SERPINE3: variants seen among roughly 807,000 people sequenced by gnomAD.
The protein encoded by SERPINE3 is serpin E3.
Under a neutral mutation model 41.7 loss-of-function variants are expected in SERPINE3, and 43 were observed. The ratio of observed to expected loss-of-function variants is 1.03; its 90% CI spans 0.81 to 1.33. The LOEUF (loss-of-function observed/expected upper bound fraction) is 1.33. SERPINE3 is among the 40% of genes most tolerant of loss of function. The pLI, the probability that SERPINE3 is intolerant of heterozygous loss-of-function variation, is 0.00. For synonymous variants in SERPINE3, 200 were observed against 192.2 expected, an observed-to-expected ratio of 1.04 and a Z score of -0.34; for missense variants, 440 against 491.7, an observed-to-expected ratio of 0.89 and a Z score of 0.99.
rs144113161 is a variant in SERPINE3 at position 51,362,403 on chromosome 13, A to G, written c.1171+510A>G. The G allele has an allele frequency of 2.3e-3, 369 of 159,254 alleles. 2 individuals are homozygous for G. Among genetic ancestry groups the G allele is most frequent in the Non-Finnish European group, 1.8e-3 (132 of 73,126 alleles). The allele number at this position is 159,254 out of a possible 1,614,324, so 9.9% of individuals were successfully genotyped here. A position where few individuals can be genotyped will look rare whatever the true frequency, so the allele number is the denominator to read the frequency against. ...CTAGTACTTTTAAGTCCTACTACAT[A>G]ACCTTATGGTAATCCAAAGATGGTG... On this transcript the variant is annotated intron_variant, in intron 9 of 9. Transcript: ENST00000681248.
At chr13:51,341,025 T>G in intron 2 of SERPINE3, 50 bp from the exon 3 acceptor site, 2 of 1,569,572 alleles carry the variant, frequency 1.3e-6, no homozygotes, top group Non-Finnish European at 1.7e-6. Flanking sequence ...ATGGCCCTCT[T>G]TCATCACCAG....
At chr13:51,360,586 C>T (rs1955557675) in intron 7 of SERPINE3, among the ~76,000 whole-genome samples, 1 of 152,038 alleles carries the variant, frequency 6.6e-6, no homozygotes, top group South Asian at 2.1e-4. Context: ...GTCCTATTTG[C>T]TAAACTTATA....
chr13:51,356,117 G>A (rs1192520301), intron 7 of SERPINE3, among the ~76,000 whole-genome samples: 1 of 152,162 alleles, frequency 6.6e-6, no homozygotes, highest in Non-Finnish European at 1.5e-5. Context: ...ACACAGGAGT[G>A]AGAATCTATT....
chr13:51,363,526 C>T (rs1020802239), intron 9 of SERPINE3: 4 of 151,830 alleles, frequency 2.6e-5, no homozygotes, highest in South Asian at 2.1e-4. Context: ...ATTTGAAAAC[C>T]TCAAGATTAA....
At chr13:51,362,059 A>G in intron 9 of SERPINE3, 166 bp downstream of exon 9, 1 of 1,574,826 alleles carries the variant, frequency 6.3e-7, no homozygotes, top group Non-Finnish European at 8.6e-7. Flanking sequence ...AAAGGGGACT[A>G]TTTCGTAAGT....
chr13:51,345,616 A>G (rs999964532), intron 4 of SERPINE3, among the ~76,000 whole-genome samples: 4 of 150,588 alleles, frequency 2.7e-5, no homozygotes, highest in Non-Finnish European at 4.4e-5. Flanking sequence ...AAAAAAAAAA[A>G]GCAGAATAGG....
Position 51,348,351 on chromosome 13 carries a change from G to A in SERPINE3, c.839G>A (p.Ser280Asn), listed in dbSNP as rs1955371879. Reference protein sequence around the residue: ...LSHIEPHLTASTIHLWTTSLR... With the variant: ...LSHIEPHLTANTIHLWTTSLR... ...CACATCGAGCCACACCTCACAGCCA[G>A]CACCATCCACCTCTGGACCACCAGC... The change falls in exon 6 of 10, where the codon AGC becomes AAC. Residue 280 changes from serine (S) to asparagine (N), a missense_variant. Transcript: ENST00000681248. The A allele has an allele frequency of 6.2e-7, 1 of 1,613,804 alleles. No homozygotes were observed. Among genetic ancestry groups the A allele is most frequent in the Admixed American group, 1.7e-5 (1 of 59,992 alleles).
chr13:51,357,783 G>A (rs1406605403), intron 7 of SERPINE3, among the ~76,000 whole-genome samples: 1 of 151,986 alleles, frequency 6.6e-6, no homozygotes, highest in East Asian at 1.9e-4. Flanking sequence ...ACTGGCTTTA[G>A]GATCAGCAGG....
chr13:51,355,204 T>C (rs915393216), intron 7 of SERPINE3, 61 bp downstream of exon 7: 19 of 646,074 alleles, frequency 2.9e-5, no homozygotes, highest in Middle Eastern at 2.7e-4. Context: ...TTATCATACT[T>C]TGATTAAGGG....
chr13:51,358,423 C>A (rs1955514291), intron 7 of SERPINE3, among the ~76,000 whole-genome samples: 1 of 152,128 alleles, frequency 6.6e-6, no homozygotes, highest in Non-Finnish European at 1.5e-5. Context: ...ACCAGCCATA[C>A]ACAAAGAATA....
chr13:51,358,630 C>T (rs971728987), intron 7 of SERPINE3, among the ~76,000 whole-genome samples: 1 of 152,050 alleles, frequency 6.6e-6, no homozygotes, highest in Non-Finnish European at 1.5e-5. Context: ...TTACTAAACA[C>T]ATTAATGTAC....
chr13:51,361,900 C>G lies in SERPINE3; in HGVS notation c.1171+7C>G. ...CTGAGAGAACCTAACACAGGTATTACAGTATTTTTTGACAGGATTCAGATA... is the reference window on the plus strand; with the variant it reads ...CTGAGAGAACCTAACACAGGTATTAGAGTATTTTTTGACAGGATTCAGATA... On this transcript the variant is annotated splice_region_variant and intron_variant, in intron 9 of 9. Transcript: ENST00000681248. 1 of 1,611,522 alleles carries G rather than the reference C, an allele frequency of 6.2e-7. No homozygotes were observed.
In SERPINE3 at chr13:51,348,247, G is replaced by C; in HGVS notation, c.735G>C (p.Gly245=). 1 of 1,602,924 alleles carries C rather than the reference G, an allele frequency of 6.2e-7. No individual in the cohort carries two copies. The highest frequency in any genetic ancestry group is 8.5e-7 in the Non-Finnish European group (1 of 1,174,708). ...AGGACACTGCAGGCCATCAGGTGGG[G>C]GTGCTGGAGCTTCCTTACCTGGGAA... The part of the protein sequence containing the change: ...QFQDTAGHQV[G]VLELPYLGSA... The change falls in exon 6 of 10, where the codon GGG becomes GGC. Residue 245 remains glycine, a synonymous_variant. Transcript: ENST00000681248.
chr13:51,344,538 A>C lies in SERPINE3; in HGVS notation c.490+53A>C, dbSNP rs878986536. On this transcript the variant is annotated intron_variant, in intron 4 of 9. Coordinates refer to ENST00000681248, the MANE Select transcript of SERPINE3 (RefSeq NM_001386375.1). The stretch of plus-strand genomic sequence containing the variant: ...GGCTAAGGCAGAGGGCTGCAGAGAC[A>C]GAGTCTCACCCATCACTTGTCAGAG... 1.6e-5 allele frequency: 22 copies of C among 1,397,814 alleles called. No individual in the cohort carries two copies. The East Asian group carries it at 5.5e-4, about 35-fold the overall frequency. 86.6% of individuals were successfully genotyped at this position (1,397,814 alleles called of 1,614,324 possible).
intron 6 of SERPINE3, 189 bp downstream of exon 6, chr13:51,348,600 G>A (rs1393888559): frequency 1.5e-5 from 8 of 537,722 alleles, no homozygotes; most frequent in Non-Finnish European, 2.2e-5. Flanking sequence ...GCCACTGCTG[G>A]CTAGCTCACA....
At chr13:51,340,285 C>T (rs189568826) in intron 1 of SERPINE3, among the ~76,000 whole-genome samples, 1 of 152,226 alleles carries the variant, frequency 6.6e-6, no homozygotes, top group Admixed American at 6.5e-5. Flanking sequence ...TTTTACTTTG[C>T]CTTTCTCTTC....
chr13:51,353,344 T>G (rs1593642687), intron 6 of SERPINE3, among the ~76,000 whole-genome samples: 1 of 152,366 alleles, frequency 6.6e-6, no homozygotes, highest in East Asian at 1.9e-4. Context: ...GTGCATGGGC[T>G]GTGCTGGGGA....
intron 6 of SERPINE3, among the ~76,000 whole-genome samples, chr13:51,351,138 T>C (rs1412437974): frequency 1.3e-5 from 2 of 152,192 alleles, no homozygotes; most frequent in African/African-American, 2.4e-5. Flanking sequence ...TGTGTATATA[T>C]ATTTTCAATT....
chr13:51,351,902 T>A (rs550936908), intron 6 of SERPINE3, among the ~76,000 whole-genome samples: 117 of 152,122 alleles, frequency 7.7e-4, no homozygotes, highest in Non-Finnish European at 1.4e-3. Flanking sequence ...GATTTTTCTT[T>A]CCTCCACTGA....
Sources: gnomAD v4.1 joint callset for allele counts (sites outside exome capture counted in the v4.1 genomes callset) on GRCh38, gnomAD v4.1.1 for gene constraint, MANE v1.5 for transcripts, NCBI Gene and HGNC (gene_info 2026-07-23, HGNC 2026-07-21) for gene names.